Variants in GPC5 observed in about 807,000 individuals in gnomAD.
The protein encoded by GPC5 is glypican 5.
A neutral mutation model predicts 53.9 loss-of-function variants in GPC5; 47 were observed. The ratio of observed to expected loss-of-function variants is 0.87; its 90% CI spans 0.69 to 1.11. GPC5 has a LOEUF of 1.11. Among genes scored for constraint, GPC5 ranks in the 50% most tolerant of loss-of-function variants. GPC5 has a pLI of 0.00. For synonymous variants in GPC5, 286 were observed against 263.3 expected, an observed-to-expected ratio of 1.09 and a Z score of -0.84; for missense variants, 748 against 713.1, an observed-to-expected ratio of 1.05 and a Z score of -0.56.
intron 6 of GPC5, among the ~76,000 whole-genome samples, chr13:91,987,187 T>C (rs1243872320): frequency 6.6e-6 from 1 of 152,160 alleles, no homozygotes; most frequent in Non-Finnish European, 1.5e-5. Flanking sequence ...TCAATAAAAT[T>C]CTACTGAAAA....
At chr13:92,760,572 G>C (rs1003442961) in intron 7 of GPC5, among the ~76,000 whole-genome samples, 6 of 150,622 alleles carry the variant, frequency 4.0e-5, no homozygotes, top group African/African-American at 1.5e-4. Flanking sequence ...TTTTATTCTG[G>C]CTAAGAGTTT....
chr13:92,622,066 C>A (rs1406248772), intron 7 of GPC5, among the ~76,000 whole-genome samples: 2 of 152,138 alleles, frequency 1.3e-5, no homozygotes, highest in East Asian at 1.9e-4. Context: ...TGGTTCCAAC[C>A]CTTCCTGTTT....
At chr13:92,244,782 G>C (rs1380765625) in intron 7 of GPC5, among the ~76,000 whole-genome samples, 1 of 152,140 alleles carries the variant, frequency 6.6e-6, no homozygotes, top group East Asian at 1.9e-4. Context: ...GCTCATGCCT[G>C]TAATCCCAGC....
At chr13:92,215,127 C>T (rs2042400794) in intron 7 of GPC5, among the ~76,000 whole-genome samples, 1 of 152,038 alleles carries the variant, frequency 6.6e-6, no homozygotes, top group Non-Finnish European at 1.5e-5. Context: ...AACTGAGTAA[C>T]AAAGTATTAT....
At chr13:91,709,406 C>G (rs745984178) in intron 3 of GPC5, among the ~76,000 whole-genome samples, 3 of 152,136 alleles carry the variant, frequency 2.0e-5, no homozygotes, top group Non-Finnish European at 4.4e-5. Flanking sequence ...GTAATACTCC[C>G]TTGCTCTAGC....
intron 6 of GPC5, among the ~76,000 whole-genome samples, chr13:92,124,273 AC>A (rs1324367397): frequency 4.3e-4 from 63 of 145,252 alleles, no homozygotes; most frequent in South Asian, 2.0e-3. Flanking sequence ...AAAAAAAAAA[AC>A]TAGTTCTCTC....
intron 2 of GPC5, among the ~76,000 whole-genome samples, chr13:91,449,749 AC>A (rs1397097651): frequency 4.6e-5 from 7 of 152,196 alleles, no homozygotes; most frequent in African/African-American, 1.7e-4. Flanking sequence ...TTATAAAATT[AC>A]AAGGCACACT....
chr13:91,982,616 A>G (rs545177981), intron 6 of GPC5, among the ~76,000 whole-genome samples: 2 of 152,310 alleles, frequency 1.3e-5, no homozygotes, highest in African/African-American at 2.4e-5. Context: ...AAGTAAGCAT[A>G]AAAATGGGAA....
chr13:92,316,619 A>G (rs1366091928), intron 7 of GPC5, among the ~76,000 whole-genome samples: 2 of 152,158 alleles, frequency 1.3e-5, no homozygotes, highest in Non-Finnish European at 2.9e-5. Flanking sequence ...GGGCTTTTTT[A>G]ATAGACTCAA....
intron 7 of GPC5, among the ~76,000 whole-genome samples, chr13:92,660,769 C>T (rs1263502391): frequency 6.6e-6 from 1 of 152,076 alleles, no homozygotes; most frequent in Non-Finnish European, 1.5e-5. Context: ...CATAATCTAA[C>T]ACAATTTTCT....
intron 2 of GPC5, among the ~76,000 whole-genome samples, chr13:91,532,921 G>A (rs1339459687): frequency 6.6e-6 from 1 of 152,078 alleles, no homozygotes; most frequent in African/African-American, 2.4e-5. Context: ...ACCTAATGGA[G>A]AAGAATGGAA....
At chr13:91,645,058 C>G (rs546950922) in intron 2 of GPC5, among the ~76,000 whole-genome samples, 1 of 152,274 alleles carries the variant, frequency 6.6e-6, no homozygotes, top group Admixed American at 6.5e-5. Flanking sequence ...AATTGAGAAA[C>G]TTTGCTTTCA....
At chr13:91,742,653 T>C (rs2036960867) in intron 4 of GPC5, among the ~76,000 whole-genome samples, 1 of 152,194 alleles carries the variant, frequency 6.6e-6, no homozygotes, top group Non-Finnish European at 1.5e-5. Flanking sequence ...GGGTAACAAT[T>C]ACTGGAAATT....
chr13:92,792,125 G>A (rs1876487572), intron 7 of GPC5, among the ~76,000 whole-genome samples: 1 of 152,036 alleles, frequency 6.6e-6, no homozygotes, highest in Admixed American at 6.6e-5. Context: ...CACCAAGGTT[G>A]AAATGAAGGA....
At chr13:92,250,018 A>G (rs182049560) in intron 7 of GPC5, among the ~76,000 whole-genome samples, 1 of 152,284 alleles carries the variant, frequency 6.6e-6, no homozygotes, top group Admixed American at 6.5e-5. Flanking sequence ...TACAGTAACA[A>G]AGATCAATGG....
At chr13:91,451,616 G>GT (rs1222817098) in intron 2 of GPC5, among the ~76,000 whole-genome samples, 54 of 92,892 alleles carry the variant, frequency 5.8e-4, no homozygotes, top group African/African-American at 2.4e-3. Context: ...TCTTCTGTTT[G>GT]TTTGTTTTTT....
intron 7 of GPC5, among the ~76,000 whole-genome samples, chr13:92,719,676 C>T (rs920303124): frequency 1.3e-5 from 2 of 152,108 alleles, no homozygotes; most frequent in Non-Finnish European, 2.9e-5. Context: ...CCAAGTCACT[C>T]ATCTTTTTCA....
At position 92,751,302 on chromosome 13, in the gene GPC5, TTAAAAA is replaced by T. The variant is rs1345847626; in HGVS notation, c.1562-114979_1562-114974del. On this transcript the variant is annotated intron_variant, in intron 7 of 7. Coordinates refer to ENST00000377067, the MANE Select transcript of GPC5 (RefSeq NM_004466.6). ...AAAACCTTTGGTCATCCAGAAACATTTAAAAAAAAAAAAAAAAAAAAAAAAAAAAAA... is the reference window on the plus strand; with the variant it reads ...AAAACCTTTGGTCATCCAGAAACATTAAAAAAAAAAAAAAAAAAAAAAAAA... Among the ~76,000 whole-genome samples the T allele has an allele frequency of 3.1e-3, 108 of 34,414 alleles. 1 individual carries two copies. Among genetic ancestry groups the T allele is most frequent in the African/African-American group, 9.7e-3 (95 of 9,798 alleles). The allele number at this position is 34,414 out of a possible 152,430, so 22.6% of individuals were successfully genotyped here.
intron 7 of GPC5, among the ~76,000 whole-genome samples, chr13:92,363,619 G>C (rs1213182579): frequency 6.6e-6 from 1 of 151,672 alleles, no homozygotes; most frequent in Non-Finnish European, 1.5e-5. Context: ...TATGCAGCCT[G>C]GTACCAGTCC....
Sources: gnomAD v4.1 joint callset for allele counts (sites outside exome capture counted in the v4.1 genomes callset) on GRCh38, gnomAD v4.1.1 for gene constraint, MANE v1.5 for transcripts, NCBI Gene and HGNC (gene_info 2026-07-23, HGNC 2026-07-21) for gene names.